Variants in BPIFB2 observed in about 807,000 individuals in gnomAD.
BPIFB2 encodes the protein BPI fold containing family B member 2.
A neutral mutation model predicts 50.1 loss-of-function variants in BPIFB2; 39 were observed. The observed-to-expected ratio is 0.78, with a 90% CI of 0.60 to 1.02. The LOEUF is 1.02. Among genes scored for constraint, BPIFB2 ranks in the 50% least tolerant of loss-of-function variants. The pLI is 0.00. For missense variants in BPIFB2, 574 were observed against 585.8 expected, an observed-to-expected ratio of 0.98 and a Z score of 0.21; for synonymous variants, 280 against 256.3, an observed-to-expected ratio of 1.09 and a Z score of -0.88.
At chr20:33,020,192 C>A in intron 11 of BPIFB2, 136 bp from the exon 12 acceptor site, 2 of 799,774 alleles carry the variant, frequency 2.5e-6, no homozygotes, top group Non-Finnish European at 4.1e-6. Flanking sequence ...CAACATTCAG[C>A]GTGGGGCCTG....
At chr20:33,014,898 C>T (rs116623499) in intron 5 of BPIFB2, among the ~76,000 whole-genome samples, 8 of 152,362 alleles carry the variant, frequency 5.3e-5, no homozygotes, top group South Asian at 2.1e-4. Flanking sequence ...CCACCTCCCC[C>T]CCAGGGAGCT....
Position 33,008,583 on chromosome 20 carries a change from G to T in BPIFB2, c.9G>T (p.Trp3Cys). MA[W>C]ASRLGLLLAL... Reference sequence around the variant, plus strand: ...CAGCGGCCAGGGCAGCCATGGCTTGGGCAAGTAGGCTGGGCCTGCTGCTGG... The same window carrying T: ...CAGCGGCCAGGGCAGCCATGGCTTGTGCAAGTAGGCTGGGCCTGCTGCTGG... The change falls in exon 2 of 16, where the codon TGG becomes TGT. Residue 3 changes from tryptophan (W) to cysteine (C), a missense_variant. Transcript: ENST00000170150. 1 of 1,596,588 alleles carries T rather than the reference G, an allele frequency of 6.3e-7. No homozygotes were observed. Among genetic ancestry groups the T allele is most frequent in the South Asian group, 1.1e-5 (1 of 87,950 alleles).
intron 9 of BPIFB2, 42 bp downstream of exon 9, chr20:33,018,864 C>G: frequency 6.3e-7 from 1 of 1,588,244 alleles, no homozygotes; most frequent in African/African-American, 1.3e-5. Context: ...GGGGCAAGAG[C>G]TCCCTGTGGC....
At chr20:33,021,664 T>C (rs772113304) in intron 14 of BPIFB2, 59 bp from the exon 15 acceptor site, 182 of 1,529,502 alleles carry the variant, frequency 1.2e-4, no homozygotes, top group Non-Finnish European at 1.6e-4. Flanking sequence ...GTGATGCACA[T>C]GAGGGCTTCA....
Position 33,023,398 on chromosome 20 carries a change from G to A in BPIFB2, c.*15G>A. 1 of 1,613,466 alleles carries A rather than the reference G, an allele frequency of 6.2e-7. No homozygotes were observed. Among genetic ancestry groups the A allele is most frequent in the Non-Finnish European group, 8.5e-7 (1 of 1,179,452 alleles). On this transcript the variant is annotated 3_prime_UTR_variant, in exon 16 of 16. Transcript: ENST00000170150. ...ACCAGAGCTGAGGCAAGACCACTGG[G>A]AGGCCTGAGAGTGGGCCAGCTCGCT...
At chr20:33,014,155 C>T (rs913505321) in intron 5 of BPIFB2, among the ~76,000 whole-genome samples, 199 bp downstream of exon 5, 21 of 152,208 alleles carry the variant, frequency 1.4e-4, no homozygotes, top group Non-Finnish European at 2.9e-5. Context: ...AGCAAGTGAG[C>T]GGCCAGAGCC....
chr20:33,018,596 C>T (rs561806825), intron 8 of BPIFB2, 41 bp from the exon 9 acceptor site: 6 of 1,558,698 alleles, frequency 3.8e-6, no homozygotes, highest in African/African-American at 2.7e-5. Flanking sequence ...CGTGCTGAGG[C>T]CCTGCTGCTT....
chr20:33,023,282 G>C, intron 15 of BPIFB2, 60 bp from the exon 16 acceptor site: 1 of 1,535,094 alleles, frequency 6.5e-7, no homozygotes, highest in Non-Finnish European at 9.0e-7. Flanking sequence ...GGCTGAGGGG[G>C]CGGCTGGGGT....
intron 15 of BPIFB2, 37 bp from the exon 16 acceptor site, chr20:33,023,305 T>G: frequency 6.2e-7 from 1 of 1,605,248 alleles, no homozygotes; most frequent in South Asian, 1.1e-5. Flanking sequence ...TGCCTGTGCC[T>G]CCTCTGACCT....
intron 7 of BPIFB2, among the ~76,000 whole-genome samples, chr20:33,017,322 A>G (rs1247056689): frequency 1.3e-5 from 2 of 152,260 alleles, no homozygotes; most frequent in African/African-American, 4.8e-5. Flanking sequence ...GAATCTGTGT[A>G]TCTTAGATCA....
At chr20:33,016,960 G>A in intron 6 of BPIFB2, 82 bp from the exon 7 acceptor site, 1 of 1,289,864 alleles carries the variant, frequency 7.8e-7, no homozygotes, top group Non-Finnish European at 1.1e-6. Flanking sequence ...TCTAGACAGG[G>A]ACTCTAGACC....
At chr20:33,012,030 G>C (rs1007966677) in intron 3 of BPIFB2, among the ~76,000 whole-genome samples, 6 of 152,208 alleles carry the variant, frequency 3.9e-5, no homozygotes, top group Non-Finnish European at 7.4e-5. Flanking sequence ...AAATATTTAA[G>C]ACTTTAAGAC....
At position 33,023,421 on chromosome 20, in the gene BPIFB2, G is replaced by A. The variant is rs534031258; in HGVS notation, c.*38G>A. On this transcript the variant is annotated 3_prime_UTR_variant, in exon 16 of 16. Coordinates refer to ENST00000170150, the MANE Select transcript of BPIFB2 (RefSeq NM_025227.3). Reference sequence around the variant, plus strand: ...GGGAGGCCTGAGAGTGGGCCAGCTCGCTGCTCAGGCGAATTTCTCATTTCA... The same window carrying A: ...GGGAGGCCTGAGAGTGGGCCAGCTCACTGCTCAGGCGAATTTCTCATTTCA... 1.6e-4 allele frequency: 263 copies of A among 1,602,686 alleles called. No individual in the cohort carries two copies. The highest frequency in any genetic ancestry group is 7.9e-4 in the South Asian group (72 of 90,814).
In BPIFB2 at chr20:33,021,330, T is replaced by C; in HGVS notation, c.1244T>C (p.Leu415Pro). 1 of 1,613,742 alleles carries C rather than the reference T, an allele frequency of 6.2e-7. No individual in the cohort carries two copies. The highest frequency in any genetic ancestry group is 2.2e-5 in the East Asian group (1 of 44,860). The stretch of plus-strand genomic sequence containing the variant: ...GGCACCGTTTTTGAGAAGCCCCTGC[T>C]GGACCATCTCAATGGTAAGCCCTGC... ...LMGTVFEKPL[L>P]DHLNALLAMG... Residue 415 changes from leucine to proline, a missense_variant, in exon 14 of 16, where the codon CTG becomes CCG. By Grantham distance (98) the Leu-to-Pro change is moderately conservative. Coordinates refer to ENST00000170150, the MANE Select transcript of BPIFB2 (RefSeq NM_025227.3).
At chr20:33,016,903 C>T (rs371503247) in intron 6 of BPIFB2, 139 bp from the exon 7 acceptor site, 45 of 717,140 alleles carry the variant, frequency 6.3e-5, no homozygotes, top group East Asian at 1.9e-4. Context: ...TGCCCACTGG[C>T]GGGTGGAGGA....
chr20:33,021,577 C>A, intron 14 of BPIFB2, 146 bp from the exon 15 acceptor site: 1 of 909,142 alleles, frequency 1.1e-6, no homozygotes, highest in Non-Finnish European at 1.7e-6. Flanking sequence ...TCTCTCTGAG[C>A]CCCAGCTTCC....
chr20:33,008,624 T>C lies in BPIFB2; in HGVS notation c.50T>C (p.Val17Ala), dbSNP rs149889663. 1.1e-5 allele frequency: 18 copies of C among 1,607,370 alleles called. No individual in the cohort carries two copies. In the African/African-American group the frequency reaches 2.1e-4, roughly 19 times the overall value. The change falls in exon 2 of 16, where the codon GTG becomes GCG. Residue 17 changes from valine (V) to alanine (A), a missense_variant. By Grantham distance (64) the Val-to-Ala change is moderately conservative. Transcript: ENST00000170150. ...LGLLLALLLP[V>A]VGASTPGTVV... ...CTGCTGCTGGCACTGCTGCTGCCCG[T>C]GGTCGGTGCCTCCACGCCAGGCACC... is the stretch of plus-strand genomic sequence containing the variant.
chr20:33,013,043 C>A, intron 4 of BPIFB2, 136 bp downstream of exon 4: 2 of 672,340 alleles, frequency 3.0e-6, no homozygotes, highest in Non-Finnish European at 2.6e-6. Context: ...TGCTCTCTCT[C>A]CCCTCACGCT....
intron 6 of BPIFB2, 68 bp downstream of exon 6, chr20:33,015,564 G>A: frequency 7.2e-7 from 1 of 1,394,756 alleles, no homozygotes; most frequent in South Asian, 1.2e-5. Flanking sequence ...TGAAGAAAGA[G>A]TGGGATTTCA....
Sources: allele counts gnomAD v4.1 joint callset (sites outside exome capture counted in the v4.1 genomes callset), GRCh38; gene constraint gnomAD v4.1.1; transcripts MANE v1.5; gene names NCBI Gene and HGNC (gene_info 2026-07-23, HGNC 2026-07-21).